The following COL25A1 variants were observed in gnomAD, a reference collection of about 807,000 sequenced individuals.
COL25A1 encodes collagen type XXV alpha 1 chain, also known as collagen alpha-1(XXV) chain.
Under a neutral mutation model 128.4 loss-of-function variants are expected in COL25A1, and 103 were observed. The observed-to-expected ratio is 0.80, with a 90% CI of 0.68 to 0.94. COL25A1 has a LOEUF of 0.94. Ranked by LOEUF, COL25A1 falls within the 40% of genes least tolerant of loss-of-function variation. COL25A1 has a pLI of 0.00. For missense variants in COL25A1, 745 were observed against 840.0 expected, an observed-to-expected ratio of 0.89 and a Z score of 1.40; for synonymous variants, 279 against 277.2, an observed-to-expected ratio of 1.01 and a Z score of -0.06.
At chr4:109,288,664 T>C (rs1481450766) in intron 3 of COL25A1, among the ~76,000 whole-genome samples, 1 of 152,074 alleles carries the variant, frequency 6.6e-6, no homozygotes, top group Non-Finnish European at 1.5e-5. Context: ...CATTGGTACC[T>C]AAATACAGGA....
chr4:109,288,996 CACACACACAT>C (rs1232042192), intron 3 of COL25A1, among the ~76,000 whole-genome samples: 134 of 146,986 alleles, frequency 9.1e-4, no homozygotes, highest in African/African-American at 2.3e-3. Flanking sequence ...CACACACACA[CACACACACAT>C]ATATATACAA....
intron 11 of COL25A1, among the ~76,000 whole-genome samples, chr4:108,923,263 G>C (rs915049736): frequency 6.6e-6 from 1 of 152,190 alleles, no homozygotes; most frequent in African/African-American, 2.4e-5. Context: ...CATTTGATTA[G>C]TCTTGCGGTT....
chr4:109,042,370 GGGCTCAAAA>G (rs1759996494), intron 5 of COL25A1, among the ~76,000 whole-genome samples: 1 of 151,902 alleles, frequency 6.6e-6, no homozygotes, highest in Non-Finnish European at 1.5e-5. Context: ...CAGCGTGCAG[GGGCTCAAAA>G]TGAACAACCT....
chr4:109,250,787 C>T (rs1676015805), intron 3 of COL25A1, among the ~76,000 whole-genome samples: 1 of 152,154 alleles, frequency 6.6e-6, no homozygotes, highest in Non-Finnish European at 1.5e-5. Flanking sequence ...TAATATTTAA[C>T]CAAGTATCTG....
intron 20 of COL25A1, among the ~76,000 whole-genome samples, chr4:108,866,224 A>G (rs1321127648): frequency 2.2e-5 from 3 of 134,946 alleles, no homozygotes; most frequent in Non-Finnish European, 4.6e-5. Context: ...TTGAGGTCTC[A>G]CTCTGTCACC....
At chr4:109,229,019 G>C (rs1325102799) in intron 3 of COL25A1, among the ~76,000 whole-genome samples, 1 of 152,164 alleles carries the variant, frequency 6.6e-6, no homozygotes, top group African/African-American at 2.4e-5. Context: ...TACAGATCTA[G>C]AGAAGTAGCA....
chr4:109,019,698 G>C (rs1034710937), intron 5 of COL25A1, among the ~76,000 whole-genome samples: 1 of 152,044 alleles, frequency 6.6e-6, no homozygotes, highest in African/African-American at 2.4e-5. Flanking sequence ...TCCCTCCCTT[G>C]ACACGTGGGG....
chr4:109,163,737 T>C lies in COL25A1; in HGVS notation c.368-113558A>G, dbSNP rs374841228. Reference sequence around the variant, plus strand: ...CTTGAACTACTCCCAATTCCTCATATCAGGTTCATTATGAGAAGCCACCTG... The same window carrying C: ...CTTGAACTACTCCCAATTCCTCATACCAGGTTCATTATGAGAAGCCACCTG... On this transcript the variant is annotated intron_variant, in intron 3 of 37. Coordinates refer to ENST00000399132, the MANE Select transcript of COL25A1 (RefSeq NM_198721.4). 6.3e-4 allele frequency among the ~76,000 whole-genome samples: 96 copies of C among 152,330 alleles called. 4 individuals carry two copies. The South Asian group carries it at 0.018, about 29-fold the overall frequency.
At chr4:109,281,315 T>C (rs150857253) in intron 3 of COL25A1, among the ~76,000 whole-genome samples, 9 of 152,156 alleles carry the variant, frequency 5.9e-5, no homozygotes, top group African/African-American at 1.9e-4. Flanking sequence ...TTGTTATAAA[T>C]TGACTTAAAG....
intron 4 of COL25A1, among the ~76,000 whole-genome samples, chr4:109,048,999 T>C (rs974661115): frequency 2.6e-5 from 4 of 152,110 alleles, no homozygotes; most frequent in Non-Finnish European, 5.9e-5. Flanking sequence ...TTAGATTCAA[T>C]GAGCTTTAAA....
chr4:109,254,441 A>T (rs1184304711), intron 3 of COL25A1, among the ~76,000 whole-genome samples: 1 of 141,172 alleles, frequency 7.1e-6, no homozygotes, highest in African/African-American at 2.6e-5. Flanking sequence ...CAGCAACAAC[A>T]GGGTGCTATG....
chr4:109,030,783 C>G (rs190081336), intron 5 of COL25A1, among the ~76,000 whole-genome samples: 1 of 152,112 alleles, frequency 6.6e-6, no homozygotes, highest in Admixed American at 6.5e-5. Flanking sequence ...TTTTGGGTCT[C>G]GCTTTGTCAC....
intron 13 of COL25A1, among the ~76,000 whole-genome samples, chr4:108,901,511 C>A (rs572284476): frequency 2.4e-4 from 37 of 152,058 alleles, no homozygotes; most frequent in African/African-American, 7.2e-4. Context: ...TAAGACTCTC[C>A]TGGCAAAAAA....
chr4:109,100,089 T>A (rs955929474), intron 3 of COL25A1, among the ~76,000 whole-genome samples: 5 of 152,152 alleles, frequency 3.3e-5, no homozygotes, highest in African/African-American at 1.2e-4. Context: ...GGCACATCCA[T>A]ACACTGCTGT....
At chr4:108,988,526 C>T (rs1753863336) in intron 6 of COL25A1, among the ~76,000 whole-genome samples, 1 of 152,180 alleles carries the variant, frequency 6.6e-6, no homozygotes, top group African/African-American at 2.4e-5. Context: ...AAACTTTGCA[C>T]AGTCTCCTGG....
intron 3 of COL25A1, among the ~76,000 whole-genome samples, chr4:109,231,140 C>T (rs1779140809): frequency 6.6e-6 from 1 of 150,798 alleles, no homozygotes; most frequent in South Asian, 2.1e-4. Flanking sequence ...GACTCCATCT[C>T]AAAAAAATAA....
At chr4:109,244,113 C>T (rs894731715) in intron 3 of COL25A1, among the ~76,000 whole-genome samples, 7 of 149,914 alleles carry the variant, frequency 4.7e-5, no homozygotes, top group African/African-American at 1.5e-4. Flanking sequence ...TTATCTATCC[C>T]GGAAGAAGTA....
At chr4:109,166,452 G>C (rs962817942) in intron 3 of COL25A1, among the ~76,000 whole-genome samples, 8 of 152,146 alleles carry the variant, frequency 5.3e-5, no homozygotes, top group African/African-American at 1.9e-4. Context: ...GAATTCAACT[G>C]AATCAGTTTT....
At chr4:108,825,858 C>T (rs540051068) in intron 33 of COL25A1, among the ~76,000 whole-genome samples, 3 of 152,078 alleles carry the variant, frequency 2.0e-5, no homozygotes, top group African/African-American at 7.2e-5. Context: ...ATGAATAATC[C>T]CCAAATTTTT....
Sources: gnomAD v4.1 joint callset for allele counts (sites outside exome capture counted in the v4.1 genomes callset) on GRCh38, gnomAD v4.1.1 for gene constraint, MANE v1.5 for transcripts, NCBI Gene and HGNC (gene_info 2026-07-23, HGNC 2026-07-21) for gene names.